Variants in NSUN4 observed in about 807,000 individuals in gnomAD.
The protein encoded by NSUN4 is 5-cytosine rRNA methyltransferase NSUN4.
In NSUN4, 31 loss-of-function variants were observed where a neutral mutation model predicts 43.8. The ratio of observed to expected loss-of-function variants is 0.71; its 90% CI spans 0.53 to 0.96. The LOEUF (loss-of-function observed/expected upper bound fraction) is 0.96, where lower values mean the gene tolerates loss of function less well. Ranked by LOEUF, NSUN4 falls within the 40% of genes least tolerant of loss-of-function variation. The probability of loss-of-function intolerance (pLI) is 0.00; values close to 1 mark genes in which losing one functional copy is unlikely to be tolerated. For synonymous variants in NSUN4, 167 were observed against 184.1 expected (o/e 0.91, Z 0.75); for missense variants, 439 against 475.6 (o/e 0.92, Z 0.72).
At chr1:46,360,631 T>G (rs544147823) in intron 4 of NSUN4, 73 bp from the exon 5 acceptor site, 2 of 1,539,522 alleles carry the variant, frequency 1.3e-6, no homozygotes, top group East Asian at 4.6e-5. Flanking sequence ...GCCAGGGGCC[T>G]AAAACATCTC....
At chr1:46,347,363 G>A (rs763422601) in intron 3 of NSUN4, among the ~76,000 whole-genome samples, 4 of 152,070 alleles carry the variant, frequency 2.6e-5, no homozygotes, top group Admixed American at 6.6e-5. Flanking sequence ...GCTTGAACCC[G>A]GGAAGTGGAG....
intron 3 of NSUN4, among the ~76,000 whole-genome samples, chr1:46,352,356 GC>G (rs1353988071): frequency 6.6e-6 from 1 of 151,990 alleles, no homozygotes; most frequent in Non-Finnish European, 1.5e-5. Context: ...GGAGGCTAAG[GC>G]ATGATAATCA....
chr1:46,378,378 G>A, the NSUN4 span, among the ~76,000 whole-genome samples: 1 of 152,104 alleles, frequency 6.6e-6, no homozygotes, highest in African/African-American at 2.4e-5. Flanking sequence ...TGCATTTTTA[G>A]TAGAGACGAG....
chr1:46,382,853 C>T, the NSUN4 span, among the ~76,000 whole-genome samples: 2 of 152,312 alleles, frequency 1.3e-5, no homozygotes, highest in East Asian at 1.9e-4. Context: ...CCACCTACCT[C>T]GGCCTCCAAA....
Position 46,362,097 on chromosome 1 carries a change from C to G in NSUN4, c.*251C>G, listed in dbSNP as rs1053628. Reference sequence around the variant, plus strand: ...CAGGCCTGTACTAAAGTTTGCTGCCCGCTTAGGGGCTTAGAAGGAGAAGCC... The same window carrying G: ...CAGGCCTGTACTAAAGTTTGCTGCCGGCTTAGGGGCTTAGAAGGAGAAGCC... On this transcript the variant is annotated 3_prime_UTR_variant, in exon 6 of 6. Coordinates refer to ENST00000474844, the MANE Select transcript of NSUN4 (RefSeq NM_199044.4). The G allele has an allele frequency of 5.8e-6, 3 of 519,282 alleles. No individual in the cohort carries two copies. The highest frequency in any genetic ancestry group is 6.9e-6 in the Non-Finnish European group (2 of 290,492). The allele number at this position is 519,282 out of a possible 1,614,324, so 32.2% of individuals were successfully genotyped here.
Position 46,352,786 on chromosome 1 carries a change from G to A in NSUN4, c.593-82G>A, listed in dbSNP as rs1034244193. 4.4e-6 allele frequency: 6 copies of A among 1,372,900 alleles called. No individual in the cohort carries two copies. The African/African-American group carries it at 7.1e-5, about 16-fold the overall frequency. 85.0% of individuals were successfully genotyped at this position (1,372,900 alleles called of 1,614,324 possible). On this transcript the variant is annotated intron_variant, in intron 3 of 5. Coordinates refer to ENST00000474844, the MANE Select transcript of NSUN4 (RefSeq NM_199044.4). ...GTTTGCATTGGCTGGGACTACCTGA[G>A]AATTGGTCTGACTCCATCAGCGCCA...
the NSUN4 span, among the ~76,000 whole-genome samples, chr1:46,373,726 C>T: frequency 6.6e-6 from 1 of 152,208 alleles, no homozygotes; most frequent in Non-Finnish European, 1.5e-5. Flanking sequence ...ATGAATTAAT[C>T]CACTCACGAA....
chr1:46,351,978 TA>T (rs1663025814), intron 3 of NSUN4, among the ~76,000 whole-genome samples: 1 of 151,118 alleles, frequency 6.6e-6, no homozygotes, highest in East Asian at 1.9e-4. Context: ...AGTCTCTTTT[TA>T]AAAAATTATT....
intron 3 of NSUN4, 54 bp downstream of exon 3, chr1:46,347,129 C>T: frequency 1.3e-6 from 2 of 1,565,150 alleles, no homozygotes; most frequent in Admixed American, 1.8e-5. Flanking sequence ...CTCACCTAGT[C>T]CCAGGTACAT....
At chr1:46,347,176 G>T in intron 3 of NSUN4, 101 bp downstream of exon 3, 1 of 1,274,840 alleles carries the variant, frequency 7.8e-7, no homozygotes, top group Non-Finnish European at 1.1e-6. Flanking sequence ...AGTGGCTCCC[G>T]CCTGTAATCC....
intron 1 of NSUN4, chr1:46,341,668 A>G (rs1270748152): frequency 8.2e-7 from 1 of 1,224,994 alleles, no homozygotes; most frequent in African/African-American, 1.6e-5. Flanking sequence ...CCTTCCTCGC[A>G]CTCAGGGAGA....
chr1:46,343,844 A>G (rs1662295056), intron 1 of NSUN4: 2 of 400,724 alleles, frequency 5.0e-6, no homozygotes, highest in Non-Finnish European at 8.8e-6. Flanking sequence ...CAACATGGCA[A>G]AGGTCAAGGC....
At chr1:46,347,515 T>G (rs1036059684) in intron 3 of NSUN4, among the ~76,000 whole-genome samples, 6 of 152,172 alleles carry the variant, frequency 3.9e-5, no homozygotes, top group Non-Finnish European at 5.9e-5. Flanking sequence ...CTTTCTAAGC[T>G]TGTGTATTTT....
intron 4 of NSUN4, among the ~76,000 whole-genome samples, chr1:46,355,298 A>G (rs1663284823): frequency 6.6e-6 from 1 of 152,314 alleles, no homozygotes; most frequent in South Asian, 2.1e-4. Flanking sequence ...GTTGTTGAAC[A>G]CTTACAATGT....
chr1:46,340,961 G>A (rs769793292), intron 1 of NSUN4, 42 bp downstream of exon 1: 35 of 1,527,744 alleles, frequency 2.3e-5, no homozygotes, highest in African/African-American at 4.1e-5. Flanking sequence ...AGTGAGGGTG[G>A]AAACTTCTCC....
chr1:46,382,462 T>C, the NSUN4 span, among the ~76,000 whole-genome samples: 2 of 152,190 alleles, frequency 1.3e-5, no homozygotes, highest in African/African-American at 4.8e-5. Context: ...GGAATCCCCA[T>C]CCACTCAGCC....
intron 4 of NSUN4, among the ~76,000 whole-genome samples, chr1:46,359,904 G>C (rs1663691848): frequency 6.6e-6 from 1 of 151,870 alleles, no homozygotes; most frequent in African/African-American, 2.4e-5. Context: ...TAGTTAGTCT[G>C]GGCAACATAG....
chr1:46,366,416 T>C (rs1327996337), downstream of NSUN4, among the ~76,000 whole-genome samples: 1 of 152,156 alleles, frequency 6.6e-6, no homozygotes, highest in Admixed American at 6.5e-5. Flanking sequence ...TGTTTGGTGC[T>C]TATTGAATTA....
chr1:46,354,553 C>T (rs1663232779), intron 4 of NSUN4, among the ~76,000 whole-genome samples: 1 of 152,184 alleles, frequency 6.6e-6, no homozygotes, highest in Non-Finnish European at 1.5e-5. Context: ...TCTCACCATT[C>T]TGCCTCAACC....
Sources: gnomAD v4.1 joint callset for allele counts (sites outside exome capture counted in the v4.1 genomes callset) on GRCh38, gnomAD v4.1.1 for gene constraint, MANE v1.5 for transcripts, NCBI Gene and HGNC (gene_info 2026-07-23, HGNC 2026-07-21) for gene names.